CUL4A: variants seen among roughly 807,000 people sequenced by gnomAD.
CUL4A encodes the protein cullin 4A.
In CUL4A, 16 loss-of-function variants were observed where a neutral mutation model predicts 95.5. That is an observed-to-expected ratio of 0.17 (90% CI 0.11 to 0.25). The LOEUF is 0.25. CUL4A is among the 10% of genes least tolerant of loss of function. The probability of loss-of-function intolerance (pLI) is 1.00; values close to 1 mark genes in which losing one functional copy is unlikely to be tolerated. For synonymous variants in CUL4A, 380 were observed against 353.1 expected (o/e 1.08, Z -0.85); for missense variants, 610 against 937.0 (o/e 0.65, Z 4.56).
At chr13:113,232,515 G>A (rs1176461763) in intron 5 of CUL4A, among the ~76,000 whole-genome samples, 3 of 152,186 alleles carry the variant, frequency 2.0e-5, no homozygotes, top group Non-Finnish European at 4.4e-5. Context: ...CTCCTTAATG[G>A]CGTACTTGGC....
At chr13:113,252,585 C>T (rs2042021885) in intron 15 of CUL4A, among the ~76,000 whole-genome samples, 2 of 152,240 alleles carry the variant, frequency 1.3e-5, no homozygotes, top group South Asian at 4.1e-4. Context: ...CTAACTCGTG[C>T]TGCACTTTCT....
rs1382845193 is a variant in CUL4A, at chr13:113,209,618, C to T, written c.-10C>T. 9 of 1,049,644 alleles carry T rather than the reference C, an allele frequency of 8.6e-6. No homozygotes were observed. Among genetic ancestry groups the T allele is most frequent in the Non-Finnish European group, 1.1e-6 (1 of 873,844 alleles). The allele number at this position is 1,049,644 out of a possible 1,614,324, so 65.0% of individuals were successfully genotyped here. A position where few individuals can be genotyped will look rare whatever the true frequency, so the allele number is the denominator to read the frequency against. On this transcript the variant is annotated 5_prime_UTR_variant, in exon 1 of 20. Transcript: ENST00000375440. ...CGCTCGGGGCGGGGCGCGGCGGTTC[C>T]GGCCCAGCCATGGCGGACGAGGCCC...
At chr13:113,238,964 A>T (rs961537885) in intron 9 of CUL4A, among the ~76,000 whole-genome samples, 3 of 152,246 alleles carry the variant, frequency 2.0e-5, no homozygotes, top group African/African-American at 7.2e-5. Context: ...GCTTTTTTAA[A>T]TGCTGTGTTA....
Position 113,232,175 on chromosome 13 carries a change from CCACCATTA to C in CUL4A, c.513-1000_513-993del, listed in dbSNP as rs1267267025. Among the ~76,000 whole-genome samples the C allele has an allele frequency of 1.7e-3, 178 of 105,594 alleles. 54 individuals are homozygous for C. Among genetic ancestry groups the C allele is most frequent in the African/African-American group, 7.7e-3 (172 of 22,258 alleles). 69.3% of individuals were successfully genotyped at this position (105,594 alleles called of 152,430 possible). A position where few individuals can be genotyped will look rare whatever the true frequency, so the allele number is the denominator to read the frequency against. On this transcript the variant is annotated intron_variant, in intron 5 of 19. Coordinates refer to ENST00000375440, the MANE Select transcript of CUL4A (RefSeq NM_001008895.4). ...TACTGCTGCCACCACTACCCGCCCA[CCACCATTA>C]CTGCTGCCACCACTACCCGCCCACC...
At chr13:113,227,787 C>T (rs1308485760) in intron 3 of CUL4A, among the ~76,000 whole-genome samples, 189 bp from the exon 4 acceptor site, 4 of 152,072 alleles carry the variant, frequency 2.6e-5, no homozygotes, top group African/African-American at 7.2e-5. Context: ...CGCCTGTAAT[C>T]CCAGCTACTC....
chr13:113,216,069 T>G (rs1246402648), intron 2 of CUL4A, among the ~76,000 whole-genome samples: 3 of 124,622 alleles, frequency 2.4e-5, no homozygotes, highest in African/African-American at 9.3e-5. Context: ...GTGGAGGTCT[T>G]TGTGTGACTA....
At chr13:113,229,803 G>A (rs1390318114) in intron 5 of CUL4A, 1 of 481,986 alleles carries the variant, frequency 2.1e-6, no homozygotes, top group Non-Finnish European at 3.6e-6. Context: ...GACGACTGGA[G>A]GTTGAGCCTG....
At chr13:113,230,551 A>T (rs1056908453) in intron 5 of CUL4A, among the ~76,000 whole-genome samples, 1 of 152,186 alleles carries the variant, frequency 6.6e-6, no homozygotes, top group Non-Finnish European at 1.5e-5. Flanking sequence ...CCTGTGTTCC[A>T]GGAAAGAATG....
chr13:113,209,379 C>T (rs867840273), upstream of CUL4A, among the ~76,000 whole-genome samples: 746 of 149,432 alleles, frequency 5.0e-3, 9 homozygotes, highest in African/African-American at 0.017. Context: ...TCCCGGCGCG[C>T]GCCCTCGAGC....
In CUL4A at chr13:113,232,060, C is replaced by A. The variant is rs865947966; in HGVS notation, c.513-1117C>A. Among the ~76,000 whole-genome samples the A allele has an allele frequency of 1.5e-5, 2 of 130,418 alleles. 1 individual carries two copies. Among genetic ancestry groups the A allele is most frequent in the African/African-American group, 5.8e-5 (2 of 34,310 alleles). 85.6% of individuals were successfully genotyped at this position (130,418 alleles called of 152,430 possible). The stretch of plus-strand genomic sequence containing the variant: ...GCTGCCACCACTACCCGCCCACCAC[C>A]ATTACTGTCACCACTACCCGCCCAC... On this transcript the variant is annotated intron_variant, in intron 5 of 19. Coordinates refer to ENST00000375440, the MANE Select transcript of CUL4A (RefSeq NM_001008895.4).
intron 5 of CUL4A, among the ~76,000 whole-genome samples, chr13:113,231,724 T>A (rs2041316533): frequency 1.3e-5 from 2 of 152,250 alleles, no homozygotes; most frequent in African/African-American, 4.8e-5. Context: ...AGGGCCAGGA[T>A]TCAAACCCAG....
intron 18 of CUL4A, among the ~76,000 whole-genome samples, chr13:113,259,099 A>C (rs1430855006): frequency 6.6e-6 from 1 of 152,218 alleles, no homozygotes; most frequent in African/African-American, 2.4e-5. Flanking sequence ...CCACTTTACA[A>C]AACTCTTTAG....
intron 3 of CUL4A, among the ~76,000 whole-genome samples, chr13:113,220,944 A>G (rs1040555353): frequency 5.3e-5 from 8 of 152,348 alleles, no homozygotes; most frequent in Admixed American, 1.3e-4. Context: ...AAGGCAAAAG[A>G]AAAAAACACT....
In CUL4A at chr13:113,209,967, C is replaced by G. The variant is rs1434950752; in HGVS notation, c.149-6C>G. The stretch of plus-strand genomic sequence containing the variant: ...CTGAGCCGCCCGCTCTCCCTCCGCC[C>G]TGCAGACAGACCTCGGCTGCCCGAC... On this transcript the variant is annotated splice_region_variant and splice_polypyrimidine_tract_variant and intron_variant, in intron 1 of 19. Coordinates refer to ENST00000375440, the MANE Select transcript of CUL4A (RefSeq NM_001008895.4). 1.3e-6 allele frequency: 2 copies of G among 1,503,588 alleles called. No individual in the cohort carries two copies. Among genetic ancestry groups the G allele is most frequent in the South Asian group, 2.5e-5 (2 of 80,286 alleles). The allele number at this position is 1,503,588 out of a possible 1,614,324, so 93.1% of individuals were successfully genotyped here. A position where few individuals can be genotyped will look rare whatever the true frequency, so the allele number is the denominator to read the frequency against.
At position 113,209,789 on chromosome 13, in the gene CUL4A, C is replaced by G; in HGVS notation, c.148+14C>G. The G allele has an allele frequency of 8.5e-7, 1 of 1,177,156 alleles. No homozygotes were observed. The highest frequency in any genetic ancestry group is 1.6e-5 in the African/African-American group (1 of 62,646). 72.9% of individuals were successfully genotyped at this position (1,177,156 alleles called of 1,614,324 possible). ...AGAACTTCCGAGGTGGGTGCGGCGGCCGGGTCGAGGGCCAGGCGCCCCGGG... is the reference window on the plus strand; with the variant it reads ...AGAACTTCCGAGGTGGGTGCGGCGGGCGGGTCGAGGGCCAGGCGCCCCGGG... On this transcript the variant is annotated intron_variant, in intron 1 of 19. Coordinates refer to ENST00000375440, the MANE Select transcript of CUL4A (RefSeq NM_001008895.4).
chr13:113,219,003 A>G lies in CUL4A; in HGVS notation c.323A>G (p.Gln108Arg). The change falls in exon 3 of 20, where the codon CAG becomes CGG. Residue 108 changes from glutamine to arginine, a missense_variant. By Grantham distance (43) the Gln-to-Arg change is conservative. Around this residue, in one of 10 missense-constraint regions of CUL4A, gnomAD observed 168 missense variants for 185.5 expected, o/e 0.91. Transcript: ENST00000375440. ...VSPMLYKQLR[Q>R]ACEDHVQAQI... ...CCAATGCTCTACAAGCAACTGCGTCAGGCCTGTGAAGACCACGTCCAGGCA... is the reference window on the plus strand; with the variant it reads ...CCAATGCTCTACAAGCAACTGCGTCGGGCCTGTGAAGACCACGTCCAGGCA... 6.2e-7 allele frequency: 1 copy of G among 1,613,652 alleles called. No homozygotes were observed. The highest frequency in any genetic ancestry group is 8.5e-7 in the Non-Finnish European group (1 of 1,179,890).
intron 15 of CUL4A, among the ~76,000 whole-genome samples, chr13:113,247,308 G>A (rs763192881): frequency 4.9e-4 from 75 of 152,306 alleles, no homozygotes; most frequent in Non-Finnish European, 9.8e-4. Flanking sequence ...CTGGACAGAA[G>A]GGTACCATCT....
At chr13:113,224,036 C>T (rs1476583977) in intron 3 of CUL4A, among the ~76,000 whole-genome samples, 3 of 152,174 alleles carry the variant, frequency 2.0e-5, no homozygotes, top group Non-Finnish European at 4.4e-5. Flanking sequence ...AGCCAAGCTA[C>T]GTGGGCAACA....
intron 5 of CUL4A, 164 bp from the exon 6 acceptor site, chr13:113,233,013 T>TA (rs1409595309): frequency 1.4e-6 from 1 of 702,968 alleles, no homozygotes; most frequent in Non-Finnish European, 2.3e-6. Context: ...CGCGCTAGAC[T>TA]GGCTGAGAAA....
Sources: gnomAD v4.1 joint callset for allele counts (sites outside exome capture counted in the v4.1 genomes callset) on GRCh38, gnomAD v4.1.1 for gene constraint, gnomAD v4.1.1 regional missense constraint, MANE v1.5 for transcripts, NCBI Gene and HGNC (gene_info 2026-07-23, HGNC 2026-07-21) for gene names.